The following DDHD2 variants were observed in gnomAD, a reference collection of about 807,000 sequenced individuals.
DDHD2 encodes triacylglycerol hydrolase DDHD2.
DDHD2 carries 62 observed loss-of-function variants against 91.2 expected under a neutral mutation model. That is an observed-to-expected ratio of 0.68 (90% CI 0.55 to 0.84). The LOEUF (loss-of-function observed/expected upper bound fraction) is 0.84. DDHD2 is among the 40% of genes least tolerant of loss of function. DDHD2 has a pLI of 0.00. For synonymous variants in DDHD2, 271 were observed against 293.9 expected (o/e 0.92, Z 0.80); for missense variants, 740 against 846.9 (o/e 0.87, Z 1.57).
Position 38,241,226 on chromosome 8 carries a change from A to C in DDHD2, c.712+862A>C, listed in dbSNP as rs1373529031. ...TGATGTGATATGAATTTCAAACAACAGTGTATTTTTTTTTCTTTAAAGTAT... is the reference window on the plus strand; with the variant it reads ...TGATGTGATATGAATTTCAAACAACCGTGTATTTTTTTTTCTTTAAAGTAT... On this transcript the variant is annotated intron_variant, in intron 6 of 17. Transcript: ENST00000397166. 2.0e-5 allele frequency among the ~76,000 whole-genome samples: 3 copies of C among 152,078 alleles called. No individual in the cohort carries two copies. The East Asian group carries it at 5.8e-4, about 29-fold the overall frequency.
At chr8:38,265,970 T>C (rs1011741735), downstream of DDHD2, among the ~76,000 whole-genome samples, 5 of 152,220 alleles carry the variant, frequency 3.3e-5, no homozygotes, top group African/African-American at 9.6e-5. Context: ...GTAAACTCTT[T>C]TTGTCTTATC....
At chr8:38,267,890 C>CA (rs1563328997) in intron 1 of DDHD2, 2 of 1,613,880 alleles carry the variant, frequency 1.2e-6, no homozygotes, top group Non-Finnish European at 1.7e-6. Flanking sequence ...TAGCTGTTGT[C>CA]ACTTACCTCC....
chr8:38,268,673 G>C, intron 1 of DDHD2: 4 of 1,431,722 alleles, frequency 2.8e-6, no homozygotes, highest in East Asian at 2.5e-5. Context: ...GAGCGCCCGG[G>C]AAAACGTTGT....
At chr8:38,243,489 G>A (rs1399804406) in intron 7 of DDHD2, among the ~76,000 whole-genome samples, 1 of 152,066 alleles carries the variant, frequency 6.6e-6, no homozygotes. Flanking sequence ...GTTCACAGAA[G>A]TAGTATATAT....
chr8:38,267,417 C>G (rs1449831912), downstream of DDHD2: 1 of 1,605,692 alleles, frequency 6.2e-7, no homozygotes, highest in African/African-American at 1.3e-5. Context: ...ATGGTTGGAA[C>G]GTAAATCATT....
intron 16 of DDHD2, 130 bp downstream of exon 16, chr8:38,253,848 G>A: frequency 1.1e-6 from 1 of 893,648 alleles, no homozygotes; most frequent in South Asian, 1.7e-5. Context: ...GGGAGGCCAA[G>A]GTGGGAGGAT....
Position 38,262,063 on chromosome 8 carries a change from T to A in DDHD2, c.*1490T>A, listed in dbSNP as rs780186315. On this transcript the variant is annotated 3_prime_UTR_variant, in exon 18 of 18. Transcript: ENST00000397166. ...AGGGTAATTACTGTCACCATGGAGA[T>A]TGTAGAGGTAAGGTTGGGGTATAGG... is the stretch of plus-strand genomic sequence containing the variant. 1 of 152,142 alleles carries A rather than the reference T, an allele frequency of 6.6e-6. No homozygotes were observed. The highest frequency in any genetic ancestry group is 6.5e-5 in the Admixed American group (1 of 15,288). 9.4% of individuals were successfully genotyped at this position (152,142 alleles called of 1,614,324 possible).
intron 1 of DDHD2, chr8:38,269,595 T>G: frequency 9.3e-6 from 2 of 215,036 alleles, no homozygotes; most frequent in African/African-American, 2.3e-5. Flanking sequence ...GAAGCTACAC[T>G]ACCTGAGGTT....
chr8:38,264,319 T>C, downstream of DDHD2: 1 of 826,970 alleles, frequency 1.2e-6, no homozygotes, highest in Non-Finnish European at 1.7e-6. Context: ...TTTTTGTATT[T>C]TTAGTAGAGA....
chr8:38,233,261 C>G, intron 2 of DDHD2, 47 bp downstream of exon 2: 1 of 1,459,816 alleles, frequency 6.9e-7, no homozygotes, highest in Non-Finnish European at 9.5e-7. Flanking sequence ...CTCCCCTCTT[C>G]AAACTATAAT....
intron 7 of DDHD2, among the ~76,000 whole-genome samples, chr8:38,245,400 C>A (rs1028679049): frequency 1.3e-5 from 2 of 151,512 alleles, no homozygotes; most frequent in Non-Finnish European, 1.5e-5. Flanking sequence ...CCACTGCCCT[C>A]CAGCCTGGGC....
At position 38,233,013 on chromosome 8, in the gene DDHD2, C is replaced by A. The variant is rs201334641; in HGVS notation, c.19C>A (p.Gln7Lys). 6.2e-7 allele frequency: 1 copy of A among 1,614,148 alleles called. No homozygotes were observed. Among genetic ancestry groups the A allele is most frequent in the East Asian group, 2.2e-5 (1 of 44,876 alleles). ...GAGCGAAATGTCATCAGTGCAGTCA[C>A]AACAGGAGCAGTTGTCCCAGTCAGA... MSSVQS[Q>K]QEQLSQSDPS... Residue 7 changes from glutamine to lysine, a missense_variant, in exon 2 of 18, where the codon CAA (glutamine) becomes AAA (lysine). By Grantham distance (53) the Gln-to-Lys change is moderately conservative. This residue lies in a region of DDHD2 where 693 missense variants were observed against 764.2 expected (regional missense o/e 0.91). Coordinates refer to ENST00000397166, the MANE Select transcript of DDHD2 (RefSeq NM_015214.3).
intron 8 of DDHD2, 135 bp from the exon 9 acceptor site, chr8:38,246,098 C>T (rs1361292820): frequency 5.3e-5 from 58 of 1,097,836 alleles, no homozygotes; most frequent in East Asian, 2.6e-4. Flanking sequence ...GGAAGGGTGG[C>T]GGTAAATTGG....
downstream of DDHD2, chr8:38,263,995 C>T: frequency 7.1e-6 from 7 of 985,902 alleles, no homozygotes; most frequent in Non-Finnish European, 8.4e-6. Flanking sequence ...GATAGATGAG[C>T]AGGGGCAAAA....
rs764886483 is a variant in DDHD2, at chr8:38,261,371, G to T, written c.*798G>T. On this transcript the variant is annotated 3_prime_UTR_variant, in exon 18 of 18. Coordinates refer to ENST00000397166, the MANE Select transcript of DDHD2 (RefSeq NM_015214.3). Reference sequence around the variant, plus strand: ...ATTTGCTAATAGCTTCTATTCTTACGTTGAAAATAGTTGTAAAAGCTGATG... The same window carrying T: ...ATTTGCTAATAGCTTCTATTCTTACTTTGAAAATAGTTGTAAAAGCTGATG... 2.0e-5 allele frequency: 3 copies of T among 152,102 alleles called. No individual in the cohort carries two copies. The highest frequency in any genetic ancestry group is 7.2e-5 in the African/African-American group (3 of 41,416). The allele number at this position is 152,102 out of a possible 1,614,324, so 9.4% of individuals were successfully genotyped here.
chr8:38,241,572 C>A (rs1805262089), intron 6 of DDHD2, among the ~76,000 whole-genome samples: 1 of 151,770 alleles, frequency 6.6e-6, no homozygotes, highest in Non-Finnish European at 1.5e-5. Flanking sequence ...AGGCGCACAC[C>A]ACCATGCCTG....
chr8:38,253,806 G>GC lies in DDHD2; in HGVS notation c.2054+89dup, dbSNP rs1239584941. 1.5e-5 allele frequency: 21 copies of GC among 1,357,066 alleles called. No individual in the cohort carries two copies. The East Asian group carries it at 4.6e-4, about 30-fold the overall frequency. The allele number at this position is 1,357,066 out of a possible 1,614,324, so 84.1% of individuals were successfully genotyped here. On this transcript the variant is annotated intron_variant, in intron 16 of 17. Coordinates refer to ENST00000397166, the MANE Select transcript of DDHD2 (RefSeq NM_015214.3). ...GTAGAAAAAGGAGGATAGGCCAGGT[G>GC]CATTGGCTCAGGCTTATAATCTCAG...
At chr8:38,238,666 T>C in intron 5 of DDHD2, 1 of 977,054 alleles carries the variant, frequency 1.0e-6, no homozygotes, top group Non-Finnish European at 1.2e-6. Context: ...TTTTCTTGTC[T>C]CTTGGACAAA....
At chr8:38,267,213 T>TA, downstream of DDHD2, 3 of 1,613,578 alleles carry the variant, frequency 1.9e-6, no homozygotes, top group Non-Finnish European at 2.5e-6. Flanking sequence ...CTTTCTAGGT[T>TA]AAATTCAATG....
Sources: allele counts gnomAD v4.1 joint callset (sites outside exome capture counted in the v4.1 genomes callset), GRCh38; gene constraint gnomAD v4.1.1; regional missense constraint gnomAD v4.1.1; transcripts MANE v1.5; gene names NCBI Gene and HGNC (gene_info 2026-07-23, HGNC 2026-07-21).